The following MACROD2 variants were observed in gnomAD, a reference collection of about 807,000 sequenced individuals.
MACROD2 encodes the protein mono-ADP ribosylhydrolase 2, also known as ADP-ribose glycohydrolase MACROD2.
Under a neutral mutation model 70.4 loss-of-function variants are expected in MACROD2, and 36 were observed. That is an observed-to-expected ratio of 0.51 (90% CI 0.39 to 0.68). The LOEUF is 0.68. MACROD2 is among the 30% of genes least tolerant of loss of function. The probability of loss-of-function intolerance (pLI) is 0.00; values close to 1 mark genes in which losing one functional copy is unlikely to be tolerated. For missense variants in MACROD2, 496 were observed against 538.4 expected (o/e 0.92, Z 0.78); for synonymous variants, 172 against 178.8 (o/e 0.96, Z 0.30).
chr20:15,464,690 G>C (rs1168844073), intron 7 of MACROD2, among the ~76,000 whole-genome samples: 1 of 152,166 alleles, frequency 6.6e-6, no homozygotes, highest in Non-Finnish European at 1.5e-5. Context: ...TTATGTACCT[G>C]TTCAGATGGT....
chr20:15,132,981 G>C (rs1458252938), intron 5 of MACROD2, among the ~76,000 whole-genome samples: 1 of 152,058 alleles, frequency 6.6e-6, no homozygotes, highest in Non-Finnish European at 1.5e-5. Flanking sequence ...ATGTGGAATA[G>C]CTGGCTAATT....
chr20:15,957,556 C>T (rs189639327), intron 12 of MACROD2, among the ~76,000 whole-genome samples: 305 of 152,284 alleles, frequency 2.0e-3, no homozygotes, highest in Non-Finnish European at 3.1e-3. Flanking sequence ...CAATGCCATC[C>T]TCTCCTGTTC....
intron 3 of MACROD2, among the ~76,000 whole-genome samples, chr20:14,096,393 G>T: frequency 7.7e-6 from 1 of 130,380 alleles, no homozygotes; most frequent in Non-Finnish European, 1.6e-5. Flanking sequence ...TTGAGACAGA[G>T]TCTTGCTCTG....
Position 14,253,226 on chromosome 20 carries a change from T to C in MACROD2, c.271+167498T>C, listed in dbSNP as rs545690674. On this transcript the variant is annotated intron_variant, in intron 3 of 17. Coordinates refer to ENST00000684519, the MANE Select transcript of MACROD2 (RefSeq NM_001351661.2). ...CAGAGCTTCCATTTCCCCTCTTGCT[T>C]TGATAAATACCTTTTACTTCAGATA... 2.0e-5 allele frequency among the ~76,000 whole-genome samples: 3 copies of C among 152,194 alleles called. No individual in the cohort carries two copies. The South Asian group carries it at 6.2e-4, about 31-fold the overall frequency.
chr20:15,611,812 A>G (rs1043315199), intron 8 of MACROD2, among the ~76,000 whole-genome samples: 4 of 149,672 alleles, frequency 2.7e-5, no homozygotes, highest in African/African-American at 7.4e-5. Context: ...TTAAGCCATT[A>G]CTAGATGATG....
chr20:15,426,828 G>A (rs2046304396), intron 6 of MACROD2, among the ~76,000 whole-genome samples: 2 of 152,090 alleles, frequency 1.3e-5, no homozygotes, highest in South Asian at 4.1e-4. Context: ...ATTCCTCCAT[G>A]GGATAGTATT....
rs527784692 is a variant in MACROD2 at position 15,680,802 on chromosome 20, A to T, written c.645+180955A>T. ...GACTAGGGAGATAAGATGAGTGATG[A>T]TATCATAACAATAGAACATATTGAT... is the stretch of plus-strand genomic sequence containing the variant. On this transcript the variant is annotated intron_variant, in intron 8 of 17. Coordinates refer to ENST00000684519, the MANE Select transcript of MACROD2 (RefSeq NM_001351661.2). Among the ~76,000 whole-genome samples, 11 of 152,326 alleles carry T rather than the reference A, an allele frequency of 7.2e-5. No homozygotes were observed. In the South Asian group the frequency reaches 2.1e-3, roughly 29 times the overall value.
intron 4 of MACROD2, among the ~76,000 whole-genome samples, chr20:14,579,183 G>A (rs1042635952): frequency 3.0e-5 from 4 of 132,058 alleles, no homozygotes; most frequent in African/African-American, 8.7e-5. Flanking sequence ...CGCCCAGGCC[G>A]GACTGCGGAC....
intron 3 of MACROD2, among the ~76,000 whole-genome samples, chr20:14,429,964 C>T (rs1228379435): frequency 2.0e-5 from 3 of 152,170 alleles, no homozygotes; most frequent in Non-Finnish European, 2.9e-5. Flanking sequence ...TCTTTTCTCG[C>T]TTTCCATTTT....
intron 8 of MACROD2, among the ~76,000 whole-genome samples, chr20:15,854,203 T>C (rs1400736890): frequency 6.6e-6 from 1 of 152,188 alleles, no homozygotes; most frequent in African/African-American, 2.4e-5. Flanking sequence ...ACAGGTGGAC[T>C]TGACTAATTA....
intron 5 of MACROD2, among the ~76,000 whole-genome samples, chr20:15,055,837 C>T (rs916266684): frequency 6.7e-6 from 1 of 150,280 alleles, no homozygotes; most frequent in African/African-American, 2.5e-5. Context: ...ACTCTGTTAC[C>T]CAGGCTAGAG....
chr20:15,141,816 T>A lies in MACROD2; in HGVS notation c.419-88124T>A, dbSNP rs564857486. Among the ~76,000 whole-genome samples the A allele has an allele frequency of 5.3e-5, 8 of 152,314 alleles. No homozygotes were observed. In the South Asian group the frequency reaches 1.7e-3, roughly 32 times the overall value. ...AGATCCTTACTGTGTGAAAAATGAA[T>A]GCCTCATAGCATGGCATTCAAGGGC... On this transcript the variant is annotated intron_variant, in intron 5 of 17. Coordinates refer to ENST00000684519, the MANE Select transcript of MACROD2 (RefSeq NM_001351661.2).
At chr20:14,442,630 C>T (rs2084136531) in intron 3 of MACROD2, among the ~76,000 whole-genome samples, 1 of 152,052 alleles carries the variant, frequency 6.6e-6, no homozygotes, top group African/African-American at 2.4e-5. Flanking sequence ...ACACTGGATT[C>T]TTGCTGGAAC....
intron 3 of MACROD2, among the ~76,000 whole-genome samples, chr20:14,253,961 C>G (rs562257271): frequency 6.6e-6 from 1 of 151,862 alleles, no homozygotes; most frequent in Non-Finnish European, 1.5e-5. Flanking sequence ...TTAGAAAATT[C>G]AGGGACTGTC....
intron 6 of MACROD2, among the ~76,000 whole-genome samples, chr20:15,323,474 GA>G (rs1033356131): frequency 4.6e-5 from 7 of 151,824 alleles, no homozygotes; most frequent in Non-Finnish European, 7.4e-5. Flanking sequence ...AATTAATAGA[GA>G]AAAAAACCCC....
At chr20:15,576,289 C>T (rs963958138) in intron 8 of MACROD2, among the ~76,000 whole-genome samples, 2 of 152,092 alleles carry the variant, frequency 1.3e-5, no homozygotes, top group Admixed American at 1.3e-4. Flanking sequence ...TCTTTGCAGA[C>T]CCCTAAGTTC....
At chr20:15,940,387 C>T (rs111905683) in intron 12 of MACROD2, among the ~76,000 whole-genome samples, 19 of 152,264 alleles carry the variant, frequency 1.2e-4, no homozygotes, top group Non-Finnish European at 2.4e-4. Flanking sequence ...AGCACCACTG[C>T]GCCTGGCCTG....
intron 7 of MACROD2, among the ~76,000 whole-genome samples, chr20:15,437,514 A>G (rs1026903403): frequency 1.3e-5 from 2 of 152,162 alleles, no homozygotes; most frequent in African/African-American, 2.4e-5. Context: ...AAAAAGTTTT[A>G]TTTTAGGTTT....
At chr20:15,387,758 G>A (rs1188434599) in intron 6 of MACROD2, among the ~76,000 whole-genome samples, 1 of 83,552 alleles carries the variant, frequency 1.2e-5, no homozygotes, top group African/African-American at 4.3e-5. Context: ...TTTTTTTTTT[G>A]AGACAGGTCT....
Sources: gnomAD v4.1 joint callset for allele counts (sites outside exome capture counted in the v4.1 genomes callset) on GRCh38, gnomAD v4.1.1 for gene constraint, MANE v1.5 for transcripts, NCBI Gene and HGNC (gene_info 2026-07-23, HGNC 2026-07-21) for gene names.